ELFN2: variants seen among roughly 807,000 people sequenced by gnomAD.
The protein encoded by ELFN2 is protein phosphatase 1 regulatory subunit 29.
Under a neutral mutation model 45.5 loss-of-function variants are expected in ELFN2, and 17 were observed. The observed-to-expected ratio is 0.37, with a 90% CI of 0.26 to 0.56. ELFN2 has a LOEUF of 0.56. ELFN2 is among the 20% of genes least tolerant of loss of function. The probability of loss-of-function intolerance (pLI) is 0.77; values close to 1 mark genes in which losing one functional copy is unlikely to be tolerated. For missense variants in ELFN2, 922 were observed against 1,183.2 expected (o/e 0.78, Z 3.24); for synonymous variants, 550 against 551.5 (o/e 1.00, Z 0.04).
intron 1 of ELFN2, chr22:37,353,388 AAG>A (rs895433319): frequency 1.3e-5 from 2 of 151,000 alleles, no homozygotes; most frequent in Non-Finnish European, 3.0e-5. Flanking sequence ...TTATTGTGCT[AAG>A]AGTGTCTGTT....
intron 1 of ELFN2, among the ~76,000 whole-genome samples, chr22:37,362,192 A>AG: frequency 6.6e-6 from 1 of 152,368 alleles, no homozygotes; most frequent in Admixed American, 6.5e-5. Flanking sequence ...GGGGAAGAGC[A>AG]GGGGGCTAGG....
intron 2 of ELFN2, among the ~76,000 whole-genome samples, chr22:37,391,379 T>G (rs1334767984): frequency 2.0e-5 from 3 of 152,028 alleles, no homozygotes; most frequent in African/African-American, 7.3e-5. Context: ...CGTCCACGGC[T>G]GAAAATCACC....
At chr22:37,398,222 G>T (rs1025320767) in intron 2 of ELFN2, among the ~76,000 whole-genome samples, 1 of 152,204 alleles carries the variant, frequency 6.6e-6, no homozygotes, top group Middle Eastern at 3.4e-3. Context: ...AGACCGTGCC[G>T]GGCACATGGA....
chr22:37,418,336 C>T (rs1357013906), intron 1 of ELFN2, among the ~76,000 whole-genome samples: 2 of 151,992 alleles, frequency 1.3e-5, no homozygotes, highest in Non-Finnish European at 2.9e-5. Context: ...AATCGTAACC[C>T]ATGGGGCTCA....
chr22:37,418,146 G>C (rs533556365), intron 1 of ELFN2, among the ~76,000 whole-genome samples: 1 of 152,212 alleles, frequency 6.6e-6, no homozygotes, highest in South Asian at 2.1e-4. Flanking sequence ...AAGAGAGATG[G>C]AGAAAGACAG....
At chr22:37,382,703 C>G (rs575601706) in intron 2 of ELFN2, among the ~76,000 whole-genome samples, 2 of 152,020 alleles carry the variant, frequency 1.3e-5, no homozygotes, top group South Asian at 4.2e-4. Context: ...GCGCATGCCA[C>G]GACGCCCAGC....
chr22:37,406,380 G>C (rs903266774), intron 2 of ELFN2, among the ~76,000 whole-genome samples: 1 of 152,156 alleles, frequency 6.6e-6, no homozygotes, highest in Non-Finnish European at 1.5e-5. Context: ...GTGCCTGTCA[G>C]CTCAATCACA....
chr22:37,425,868 C>CAT (rs782777269), intron 1 of ELFN2, among the ~76,000 whole-genome samples: 2 of 132,222 alleles, frequency 1.5e-5, no homozygotes, highest in South Asian at 2.4e-4. Context: ...TGCACATACA[C>CAT]ATACACACAC....
rs1323379460 is a variant in ELFN2 at position 37,398,226 on chromosome 22, ACATGG to A, written c.-463+19538_-463+19542del. On this transcript the variant is annotated intron_variant, in intron 2 of 2. Coordinates refer to ENST00000402918, the MANE Select transcript of ELFN2 (RefSeq NM_052906.5). ...CAGGCCTGGGTAGACCGTGCCGGGC[ACATGG>A]AGGGCCTCACTAAACAACATTATTT... Among the ~76,000 whole-genome samples the A allele has an allele frequency of 5.9e-5, 9 of 152,266 alleles. No homozygotes were observed. In the East Asian group the frequency reaches 1.7e-3, roughly 29 times the overall value.
intron 1 of ELFN2, among the ~76,000 whole-genome samples, chr22:37,348,591 C>A (rs954446235): frequency 6.6e-6 from 1 of 150,484 alleles, no homozygotes; most frequent in Non-Finnish European, 1.5e-5. Context: ...CAGATCAGAC[C>A]TCGGGGCAGG....
chr22:37,374,850 G>A lies in ELFN2; in HGVS notation c.685C>T (p.Pro229Ser). Residue 229 changes from proline to serine, a missense_variant, in exon 3 of 3, where the codon CCC becomes TCC. Coordinates refer to ENST00000402918, the MANE Select transcript of ELFN2 (RefSeq NM_052906.5). ...GCGTTGAGGCTGTGGTAGGGCCGGG[G>A]CACCAGCAGCGGGTAGCCGGCAAAC... Reference protein sequence around the residue: ...REFAGYPLLVPRPYHSLNAIT... With the variant: ...REFAGYPLLVSRPYHSLNAIT... The A allele has an allele frequency of 6.2e-7, 1 of 1,607,804 alleles. No individual in the cohort carries two copies. Among genetic ancestry groups the A allele is most frequent in the Admixed American group, 1.7e-5 (1 of 60,008 alleles).
At chr22:37,403,569 A>G (rs1032392030) in intron 2 of ELFN2, among the ~76,000 whole-genome samples, 2 of 152,200 alleles carry the variant, frequency 1.3e-5, no homozygotes, top group African/African-American at 4.8e-5. Flanking sequence ...AAGGGAGAGA[A>G]GCGAGAGGGC....
At chr22:37,416,358 C>G (rs1932759639) in intron 2 of ELFN2, among the ~76,000 whole-genome samples, 1 of 152,168 alleles carries the variant, frequency 6.6e-6, no homozygotes, top group Non-Finnish European at 1.5e-5. Context: ...GCTGGGTGAC[C>G]TTGGGCAAGT....
At chr22:37,416,214 G>C (rs1932758268) in intron 2 of ELFN2, among the ~76,000 whole-genome samples, 1 of 152,220 alleles carries the variant, frequency 6.6e-6, no homozygotes, top group Non-Finnish European at 1.5e-5. Flanking sequence ...ATGAAATGCT[G>C]CTTCAGGAGA....
intron 2 of ELFN2, among the ~76,000 whole-genome samples, chr22:37,397,436 C>T (rs1932243851): frequency 6.6e-6 from 1 of 152,244 alleles, no homozygotes; most frequent in African/African-American, 2.4e-5. Context: ...GACAGCCAGG[C>T]CTCCCAGCTC....
At chr22:37,407,652 C>T (rs545527397) in intron 2 of ELFN2, among the ~76,000 whole-genome samples, 3 of 152,068 alleles carry the variant, frequency 2.0e-5, no homozygotes, top group Admixed American at 2.0e-4. Flanking sequence ...AATCCCAATA[C>T]TTTGGGAGGC....
chr22:37,357,514 T>C (rs767909371), intron 1 of ELFN2, among the ~76,000 whole-genome samples: 9 of 152,226 alleles, frequency 5.9e-5, no homozygotes, highest in Non-Finnish European at 1.2e-4. Flanking sequence ...CTTTTCTTAC[T>C]GATTTTTAGC....
At chr22:37,408,465 T>A (rs1452791358) in intron 2 of ELFN2, among the ~76,000 whole-genome samples, 1 of 152,262 alleles carries the variant, frequency 6.6e-6, no homozygotes, top group Non-Finnish European at 1.5e-5. Flanking sequence ...GGAAGTGCTG[T>A]TAACCCTGTT....
rs899400559 is a variant in ELFN2, at chr22:37,351,076, T to C, written n.149-8373A>G. ...TTTCTTGATTCCCTTCCAGCTGCAA[T>C]CAGCCAGCCAACCCTCCTCCCTTGC... On this transcript the variant is annotated intron_variant and non_coding_transcript_variant, in intron 1 of 2. Transcript: ENST00000452946. Among the ~76,000 whole-genome samples the C allele has an allele frequency of 2.7e-5, 4 of 150,154 alleles. 1 individual carries two copies. The highest frequency in any genetic ancestry group is 4.5e-5 in the Non-Finnish European group (3 of 66,864).
Sources: allele counts gnomAD v4.1 joint callset (sites outside exome capture counted in the v4.1 genomes callset), GRCh38; gene constraint gnomAD v4.1.1; transcripts MANE v1.5; gene names NCBI Gene and HGNC (gene_info 2026-07-23, HGNC 2026-07-21).